The following NEK10 variants were observed in gnomAD, a reference collection of about 807,000 sequenced individuals.
The protein encoded by NEK10 is serine/threonine-protein kinase Nek10.
A neutral mutation model predicts 159.8 loss-of-function variants in NEK10; 122 were observed. The ratio of observed to expected loss-of-function variants is 0.76; its 90% confidence interval spans 0.66 to 0.89. The LOEUF (loss-of-function observed/expected upper bound fraction) is 0.89. Among genes scored for constraint, NEK10 ranks in the 40% least tolerant of loss-of-function variants. NEK10 has a pLI of 0.00. For missense variants in NEK10, 1,342 were observed against 1,323.1 expected (o/e 1.01, Z -0.22); for synonymous variants, 466 against 457.1 (o/e 1.02, Z -0.25).
At chr3:27,177,125 T>C (rs1257345488) in intron 26 of NEK10, among the ~76,000 whole-genome samples, 1 of 152,170 alleles carries the variant, frequency 6.6e-6, no homozygotes, top group Non-Finnish European at 1.5e-5. Context: ...CAAAATTTCA[T>C]CCACGGGTAA....
chr3:27,166,224 A>G (rs1946461668), intron 29 of NEK10, among the ~76,000 whole-genome samples: 1 of 152,212 alleles, frequency 6.6e-6, no homozygotes, highest in Non-Finnish European at 1.5e-5. Context: ...CTATTTATCT[A>G]TAATGTTAAT....
intron 26 of NEK10, among the ~76,000 whole-genome samples, chr3:27,184,878 G>T (rs573477498): frequency 6.6e-6 from 1 of 152,164 alleles, no homozygotes; most frequent in South Asian, 2.1e-4. Context: ...TGACTTTAGT[G>T]GTGTGCTCAG....
intron 32 of NEK10, among the ~76,000 whole-genome samples, chr3:27,127,990 G>A (rs1942165689): frequency 6.6e-6 from 1 of 152,010 alleles, no homozygotes; most frequent in Non-Finnish European, 1.5e-5. Flanking sequence ...TCCCCCTGAT[G>A]TCATTAAACA....
intron 5 of NEK10, among the ~76,000 whole-genome samples, chr3:27,329,047 A>AG (rs1402300957): frequency 2.0e-5 from 3 of 152,174 alleles, no homozygotes; most frequent in Non-Finnish European, 4.4e-5. Flanking sequence ...ATGTTGTGGG[A>AG]GGGACCTGGT....
intron 23 of NEK10, among the ~76,000 whole-genome samples, chr3:27,246,656 T>C (rs1424863636): frequency 2.0e-5 from 3 of 152,108 alleles, no homozygotes; most frequent in African/African-American, 7.2e-5. Context: ...ACTAATTCTA[T>C]TTTTTATACC....
intron 26 of NEK10, among the ~76,000 whole-genome samples, chr3:27,187,987 T>C (rs1267300883): frequency 1.3e-5 from 2 of 152,202 alleles, no homozygotes; most frequent in Non-Finnish European, 2.9e-5. Flanking sequence ...TTTTTGGTCC[T>C]GGGGCTGTCC....
chr3:27,175,914 G>C (rs1448472188), intron 26 of NEK10, among the ~76,000 whole-genome samples: 1 of 152,138 alleles, frequency 6.6e-6, no homozygotes, highest in East Asian at 1.9e-4. Flanking sequence ...GACTAAAAAG[G>C]CTCCAATGAT....
rs755341486 is a variant in NEK10 at position 27,291,396 on chromosome 3, C to G, written c.1477-6G>C. On this transcript the variant is annotated splice_region_variant and splice_polypyrimidine_tract_variant and intron_variant, in intron 17 of 35. Coordinates refer to ENST00000691995, the MANE Select transcript of NEK10 (RefSeq NM_001394966.1). ...ATTTGCTTCAGTTCATCCTCCTAAT[C>G]AAAATATAAAAAGGAAATGGGTTTC... 2.5e-6 allele frequency: 4 copies of G among 1,610,296 alleles called. No homozygotes were observed. Among genetic ancestry groups the G allele is most frequent in the Non-Finnish European group, 2.5e-6 (3 of 1,178,228 alleles).
chr3:27,134,907 G>C (rs1157653883), intron 31 of NEK10, among the ~76,000 whole-genome samples: 1 of 152,054 alleles, frequency 6.6e-6, no homozygotes, highest in Non-Finnish European at 1.5e-5. Flanking sequence ...TGATTCATTT[G>C]AGCCAGACAC....
At chr3:27,173,808 T>C (rs1215066998) in intron 28 of NEK10, among the ~76,000 whole-genome samples, 2 of 152,164 alleles carry the variant, frequency 1.3e-5, no homozygotes, top group Non-Finnish European at 2.9e-5. Context: ...TCTTTAAGTT[T>C]CAGGTTTGTT....
chr3:27,290,380 T>C (rs549710637), intron 19 of NEK10, among the ~76,000 whole-genome samples: 7 of 152,318 alleles, frequency 4.6e-5, no homozygotes, highest in Non-Finnish European at 8.8e-5. Context: ...TATGATGCAT[T>C]CTGTACTGTA....
intron 1 of NEK10, among the ~76,000 whole-genome samples, chr3:27,357,792 G>A (rs186185177): frequency 6.6e-6 from 1 of 152,182 alleles, no homozygotes; most frequent in Admixed American, 6.5e-5. Context: ...ATCTCTAATT[G>A]AGAACCACAG....
At chr3:27,271,223 C>T (rs887332197) in intron 22 of NEK10, among the ~76,000 whole-genome samples, 1 of 151,774 alleles carries the variant, frequency 6.6e-6, no homozygotes, top group East Asian at 1.9e-4. Context: ...AACCTCTCCA[C>T]CTAATAGTAC....
chr3:27,322,691 T>G (rs1214998681), intron 5 of NEK10, among the ~76,000 whole-genome samples: 2 of 152,242 alleles, frequency 1.3e-5, no homozygotes, highest in Non-Finnish European at 2.9e-5. Flanking sequence ...TGTGCATTAG[T>G]GGAAACAAAA....
intron 5 of NEK10, among the ~76,000 whole-genome samples, chr3:27,334,993 A>G (rs2046694428): frequency 6.6e-6 from 1 of 152,198 alleles, no homozygotes; most frequent in South Asian, 2.1e-4. Flanking sequence ...AATCAGAAAA[A>G]CAATTCAGGA....
chr3:27,317,902 A>T (rs918999027), intron 6 of NEK10, among the ~76,000 whole-genome samples: 1 of 152,084 alleles, frequency 6.6e-6, no homozygotes, highest in Non-Finnish European at 1.5e-5. Flanking sequence ...TCCCGGGTTC[A>T]CGCCATTCTT....
chr3:27,108,219 T>C lies in NEK10; in HGVS notation c.*3053A>G, dbSNP rs1939181210. ...TAATTGTGTTCTGCTTTAGAATGCC[T>C]AAACATTCTGTAAACACTGCCTAAT... On this transcript the variant is annotated 3_prime_UTR_variant, in exon 36 of 36. Coordinates refer to ENST00000691995, the MANE Select transcript of NEK10 (RefSeq NM_001394966.1). Among the ~76,000 whole-genome samples, 1 of 152,222 alleles carries C rather than the reference T, an allele frequency of 6.6e-6. No individual in the cohort carries two copies. Among genetic ancestry groups the C allele is most frequent in the Non-Finnish European group, 1.5e-5 (1 of 68,028 alleles).
At chr3:27,125,542 C>T (rs1941843493) in intron 32 of NEK10, among the ~76,000 whole-genome samples, 1 of 152,130 alleles carries the variant, frequency 6.6e-6, no homozygotes, top group South Asian at 2.1e-4. Context: ...AACATATTGC[C>T]TAATTTTTTT....
intron 35 of NEK10, among the ~76,000 whole-genome samples, chr3:27,113,631 G>C (rs1374387673): frequency 2.6e-5 from 4 of 151,610 alleles, no homozygotes; most frequent in Non-Finnish European, 5.9e-5. Flanking sequence ...ATAATTTTTT[G>C]CCTTTGTTAT....
Sources: allele counts gnomAD v4.1 joint callset (sites outside exome capture counted in the v4.1 genomes callset), GRCh38; gene constraint gnomAD v4.1.1; transcripts MANE v1.5; gene names NCBI Gene and HGNC (gene_info 2026-07-23, HGNC 2026-07-21).